GDAP2: variants seen among roughly 807,000 people sequenced by gnomAD.
The protein encoded by GDAP2 is ganglioside-induced differentiation-associated protein 2.
In GDAP2, 51 loss-of-function variants were observed where a neutral mutation model predicts 67.0. The observed-to-expected ratio is 0.76, with a 90% confidence interval of 0.61 to 0.96. The LOEUF is 0.96. Ranked by LOEUF, GDAP2 falls within the 40% of genes least tolerant of loss-of-function variation. The pLI is 0.00. For missense variants in GDAP2, 547 were observed against 588.3 expected, an observed-to-expected ratio of 0.93 and a Z score of 0.73; for synonymous variants, 203 against 207.3, an observed-to-expected ratio of 0.98 and a Z score of 0.18.
chr1:117,881,946 A>G (rs1648661989), intron 11 of GDAP2, 69 bp from the exon 12 acceptor site: 1 of 796,070 alleles, frequency 1.3e-6, no homozygotes, highest in Non-Finnish European at 2.2e-6. Context: ...ACTATTATAG[A>G]CTATTAACTA....
rs377621520 is a variant in GDAP2, at chr1:117,912,571, A to G, written c.429T>C (p.Ser143=). Residue 143 remains serine (S), a synonymous_variant, in exon 4 of 14, where the codon AGT becomes AGC. Transcript: ENST00000369443. Reference sequence around the variant, plus strand: ...CGTTTCTGTAGCAGCTATAAAGGGAACTCTCAGCTGCTGTGCGATAGCGGC... The same window carrying G: ...CGTTTCTGTAGCAGCTATAAAGGGAGCTCTCAGCTGCTGTGCGATAGCGGC... The part of the protein sequence containing the change: ...YKSRYRTAAE[S]SLYSCYRNVL... 6.2e-7 allele frequency: 1 copy of G among 1,613,388 alleles called. No individual in the cohort carries two copies.
chr1:117,883,420 T>C, intron 11 of GDAP2, 68 bp downstream of exon 11: 11 of 1,131,200 alleles, frequency 9.7e-6, no homozygotes, highest in Non-Finnish European at 1.5e-5. Context: ...CAAAGCAATG[T>C]TTGCCACTGC....
rs988236206 is a variant in GDAP2, at chr1:117,869,290, A to G, written c.*1279T>C. The G allele has an allele frequency of 2.6e-5, 4 of 152,192 alleles. No individual in the cohort carries two copies. Among genetic ancestry groups the G allele is most frequent in the African/African-American group, 9.6e-5 (4 of 41,456 alleles). The allele number at this position is 152,192 out of a possible 1,614,324, so 9.4% of individuals were successfully genotyped here. ...TTAAAATGGCCAACAGATGCCTCTT[A>G]TTGAAGTATAGCATCAGGGGATGAG... On this transcript the variant is annotated 3_prime_UTR_variant, in exon 14 of 14. Transcript: ENST00000369443.
chr1:117,907,267 C>T lies in GDAP2; in HGVS notation c.560-685G>A, dbSNP rs190313691. Among the ~76,000 whole-genome samples, 41 of 152,230 alleles carry T rather than the reference C, an allele frequency of 2.7e-4. No homozygotes were observed. In the East Asian group the frequency reaches 3.7e-3, roughly 14 times the overall value. On this transcript the variant is annotated intron_variant, in intron 5 of 13. Coordinates refer to ENST00000369443, the MANE Select transcript of GDAP2 (RefSeq NM_017686.4). The stretch of plus-strand genomic sequence containing the variant: ...AAAAATGTTGTCCCCCAGGGTTCTG[C>T]CTTCAATATTTTTTATTTTTTTGAT...
At chr1:117,897,335 AAAG>A (rs1197980475) in intron 7 of GDAP2, among the ~76,000 whole-genome samples, 3 of 152,224 alleles carry the variant, frequency 2.0e-5, no homozygotes, top group Non-Finnish European at 4.4e-5. Flanking sequence ...ATCTGACAAA[AAAG>A]AAGTATAAAA....
chr1:117,923,501 C>A (rs989162700), intron 1 of GDAP2, among the ~76,000 whole-genome samples: 1 of 152,230 alleles, frequency 6.6e-6, no homozygotes, highest in Non-Finnish European at 1.5e-5. Flanking sequence ...GGGTCCCTGA[C>A]TTCCCACAAC....
At chr1:117,927,272 A>G (rs1650483190) in intron 1 of GDAP2, among the ~76,000 whole-genome samples, 1 of 151,990 alleles carries the variant, frequency 6.6e-6, no homozygotes, top group Admixed American at 6.6e-5. Flanking sequence ...TCCTTTAAAT[A>G]CTGCTTAATA....
chr1:117,918,571 T>C, intron 3 of GDAP2, 26 bp downstream of exon 3: 4 of 1,547,522 alleles, frequency 2.6e-6, no homozygotes, highest in Non-Finnish European at 3.6e-6. Flanking sequence ...TTCTAAGCAA[T>C]AATATATGAA....
intron 13 of GDAP2, among the ~76,000 whole-genome samples, chr1:117,871,051 T>C (rs1429123228): frequency 6.6e-6 from 1 of 152,220 alleles, no homozygotes; most frequent in Non-Finnish European, 1.5e-5. Flanking sequence ...AACATCCAGA[T>C]TCTTTTTTGT....
rs557803394 is a variant in GDAP2, at chr1:117,900,562, T to C, written c.637-1346A>G. ...GTGGAGGTATCACGAGGTCAGGAGA[T>C]TGATATCAACCTGACCAACATGGTG... On this transcript the variant is annotated intron_variant, in intron 6 of 13. Coordinates refer to ENST00000369443, the MANE Select transcript of GDAP2 (RefSeq NM_017686.4). 1.1e-3 allele frequency among the ~76,000 whole-genome samples: 160 copies of C among 152,076 alleles called. 1 individual carries two copies. The highest frequency in any genetic ancestry group is 3.7e-3 in the African/African-American group (153 of 41,482).
intron 7 of GDAP2, among the ~76,000 whole-genome samples, chr1:117,897,950 A>G (rs959756985): frequency 1.3e-5 from 2 of 152,214 alleles, no homozygotes; most frequent in African/African-American, 4.8e-5. Flanking sequence ...TATATCTATA[A>G]CATAAAAGTA....
At chr1:117,871,423 T>C (rs1430775603) in intron 13 of GDAP2, among the ~76,000 whole-genome samples, 1 of 152,210 alleles carries the variant, frequency 6.6e-6, no homozygotes, top group Non-Finnish European at 1.5e-5. Flanking sequence ...AGGAAAGTAT[T>C]TCTTTGACAA....
At position 117,870,559 on chromosome 1, in the gene GDAP2, A is replaced by C. The variant is rs1264927116; in HGVS notation, c.*10T>G. On this transcript the variant is annotated 3_prime_UTR_variant, in exon 14 of 14. Coordinates refer to ENST00000369443, the MANE Select transcript of GDAP2 (RefSeq NM_017686.4). ...ATCCTGGGAACCAAGAAGCACTGAA[A>C]GATGGCAGGTCACAAATCTGGTGAT... is the stretch of plus-strand genomic sequence containing the variant. 1.3e-6 allele frequency: 2 copies of C among 1,577,404 alleles called. No individual in the cohort carries two copies. The highest frequency in any genetic ancestry group is 2.7e-5 in the African/African-American group (2 of 74,148).
At chr1:117,896,502 G>A in intron 8 of GDAP2, 1 of 181,056 alleles carries the variant, frequency 5.5e-6, no homozygotes, top group Non-Finnish European at 1.1e-5. Flanking sequence ...CTAAGTAAAA[G>A]CTTTATAACT....
At chr1:117,887,300 C>T (rs1648891799) in intron 9 of GDAP2, among the ~76,000 whole-genome samples, 1 of 152,080 alleles carries the variant, frequency 6.6e-6, no homozygotes, top group South Asian at 2.1e-4. Context: ...AACTAAATAG[C>T]ACTCAAATCT....
In GDAP2 at chr1:117,929,595, A is replaced by G. The variant is rs1456633473; in HGVS notation, c.-215T>C. On this transcript the variant is annotated 5_prime_UTR_variant, in exon 1 of 14. Coordinates refer to ENST00000369443, the MANE Select transcript of GDAP2 (RefSeq NM_017686.4). ...CAGGAGACTGGAGTGACCAGCTGCAAATGCTCTGGGCTGCGAAACACCGGC... is the reference window on the plus strand; with the variant it reads ...CAGGAGACTGGAGTGACCAGCTGCAGATGCTCTGGGCTGCGAAACACCGGC... 3 of 152,292 alleles carry G rather than the reference A, an allele frequency of 2.0e-5. No homozygotes were observed. Among genetic ancestry groups the G allele is most frequent in the African/African-American group, 7.2e-5 (3 of 41,456 alleles). 9.4% of individuals were successfully genotyped at this position (152,292 alleles called of 1,614,324 possible).
intron 3 of GDAP2, among the ~76,000 whole-genome samples, chr1:117,916,487 A>G (rs923752853): frequency 3.3e-5 from 5 of 152,248 alleles, no homozygotes; most frequent in Non-Finnish European, 7.3e-5. Context: ...AAGTAAACGA[A>G]CAATAAGGGG....
chr1:117,880,363 A>G (rs1293145421), intron 12 of GDAP2, among the ~76,000 whole-genome samples: 1 of 152,168 alleles, frequency 6.6e-6, no homozygotes, highest in Non-Finnish European at 1.5e-5. Flanking sequence ...GAGAGAGAAA[A>G]GTGTCTATTA....
At chr1:117,910,540 C>T (rs1359317455) in intron 5 of GDAP2, among the ~76,000 whole-genome samples, 1 of 152,182 alleles carries the variant, frequency 6.6e-6, no homozygotes, top group Non-Finnish European at 1.5e-5. Flanking sequence ...AACAGATACT[C>T]ACCCTAAACT....
Sources: allele counts gnomAD v4.1 joint callset (sites outside exome capture counted in the v4.1 genomes callset), GRCh38; gene constraint gnomAD v4.1.1; transcripts MANE v1.5; gene names NCBI Gene and HGNC (gene_info 2026-07-23, HGNC 2026-07-21).